Variants in USP24 observed in about 807,000 individuals in gnomAD.
USP24 encodes the protein ubiquitin specific peptidase 24.
A neutral mutation model predicts 361.6 loss-of-function variants in USP24; 97 were observed. The observed-to-expected ratio is 0.27, with a 90% CI of 0.23 to 0.32. The LOEUF (loss-of-function observed/expected upper bound fraction) is 0.32, where lower values mean the gene tolerates loss of function less well. Among genes scored for constraint, USP24 ranks in the 10% least tolerant of loss-of-function variants. The pLI is 1.00. For missense variants in USP24, 2,353 were observed against 3,165.6 expected (o/e 0.74, Z 6.16); for synonymous variants, 1,098 against 1,124.6 (o/e 0.98, Z 0.47).
chr1:55,075,431 T>C (rs1159420184), intron 63 of USP24, 26 bp downstream of exon 63: 2 of 1,575,608 alleles, frequency 1.3e-6, no homozygotes, highest in Non-Finnish European at 8.6e-7. Context: ...CTATAGACAT[T>C]TGTGCATAAG....
intron 67 of USP24, 118 bp from the exon 68 acceptor site, chr1:55,069,225 A>G: frequency 1.1e-6 from 1 of 918,218 alleles, no homozygotes; most frequent in South Asian, 1.5e-5. Context: ...ATGTTTATCA[A>G]AGGGTAATAA....
At chr1:55,103,235 A>G (rs1266758501) in intron 42 of USP24, among the ~76,000 whole-genome samples, 1 of 152,130 alleles carries the variant, frequency 6.6e-6, no homozygotes, top group African/African-American at 2.4e-5. Flanking sequence ...CACCTGGTTC[A>G]CTAGTTTTTA....
chr1:55,078,176 C>G (rs571554166), intron 61 of USP24, among the ~76,000 whole-genome samples: 3 of 152,136 alleles, frequency 2.0e-5, no homozygotes, highest in South Asian at 4.2e-4. Context: ...TATAAAGAGG[C>G]CTGGAAGGAA....
At chr1:55,210,933 A>G (rs1278028403) in intron 1 of USP24, among the ~76,000 whole-genome samples, 1 of 152,220 alleles carries the variant, frequency 6.6e-6, no homozygotes, top group African/African-American at 2.4e-5. Flanking sequence ...AAAAACTTCC[A>G]TTTTAGTATT....
intron 1 of USP24, 120 bp from the exon 2 acceptor site, chr1:55,178,252 G>T: frequency 1.0e-6 from 1 of 987,288 alleles, no homozygotes; most frequent in Non-Finnish European, 1.5e-6. Flanking sequence ...CAATAGCATG[G>T]ATTCTACCTT....
At chr1:55,098,135 C>G (rs1645539059) in intron 46 of USP24, 51 bp from the exon 47 acceptor site, 4 of 1,502,936 alleles carry the variant, frequency 2.7e-6, no homozygotes, top group Non-Finnish European at 3.5e-6. Flanking sequence ...ATTTAAAACT[C>G]TTCAATTATC....
chr1:55,203,852 CAG>C (rs1406977552), intron 1 of USP24, among the ~76,000 whole-genome samples: 2 of 152,202 alleles, frequency 1.3e-5, no homozygotes, highest in Admixed American at 6.5e-5. Context: ...TAATTCAACA[CAG>C]AGAGTCTGGC....
intron 5 of USP24, among the ~76,000 whole-genome samples, chr1:55,168,611 C>A (rs191309069): frequency 6.6e-6 from 1 of 151,916 alleles, no homozygotes; most frequent in South Asian, 2.1e-4. Context: ...GGAAATGCAA[C>A]GCAAAGCTGG....
chr1:55,187,814 A>G (rs1371357241), intron 1 of USP24, among the ~76,000 whole-genome samples: 1 of 152,232 alleles, frequency 6.6e-6, no homozygotes, highest in Non-Finnish European at 1.5e-5. Flanking sequence ...CTATGTTCAT[A>G]GATTGGAACT....
rs1645099631 is a variant in USP24 at position 55,079,543 on chromosome 1, A to G, written c.7195T>C (p.Leu2399=). The G allele has an allele frequency of 6.4e-7, 1 of 1,573,616 alleles. No homozygotes were observed. The highest frequency in any genetic ancestry group is 8.6e-7 in the Non-Finnish European group (1 of 1,167,044). Residue 2399 remains leucine (L), a synonymous_variant, in exon 60 of 68, where the codon TTA becomes CTA. Coordinates refer to ENST00000294383, the MANE Select transcript of USP24 (RefSeq NM_015306.3). ...LFMSEGKPYL[L]EVMFALRELT... ...TTAGAATAACAAGTACATACCTCTA[A>G]CAGGTAAGGTTTCCCTTCAGACATG...
intron 1 of USP24, among the ~76,000 whole-genome samples, chr1:55,192,141 A>C (rs997760191): frequency 1.6e-5 from 2 of 122,788 alleles, no homozygotes; most frequent in African/African-American, 5.1e-5. Context: ...TAAGTTAATA[A>C]GAGAGTTTAA....
At position 55,165,958 on chromosome 1, in the gene USP24, G is replaced by GA. The variant is rs1340943757; in HGVS notation, c.862-9dup. 2 of 1,599,660 alleles carry GA rather than the reference G, an allele frequency of 1.3e-6. No individual in the cohort carries two copies. Among genetic ancestry groups the GA allele is most frequent in the Non-Finnish European group, 8.5e-7 (1 of 1,173,084 alleles). ...TCCACCTAATTCTCCAAACTGAGAAGAAAAAAGGCACACATTAAGTTATTT... is the reference window on the plus strand; with the variant it reads ...TCCACCTAATTCTCCAAACTGAGAAGAAAAAAAGGCACACATTAAGTTATTT... On this transcript the variant is annotated splice_polypyrimidine_tract_variant and intron_variant, in intron 6 of 67. Transcript: ENST00000294383.
chr1:55,103,996 C>T lies in USP24; in HGVS notation c.4905G>A (p.Leu1635=). 2 of 1,610,108 alleles carry T rather than the reference C, an allele frequency of 1.2e-6. No individual in the cohort carries two copies. The highest frequency in any genetic ancestry group is 1.3e-5 in the African/African-American group (1 of 74,936). The change falls in exon 42 of 68, where the codon TTG becomes TTA. Residue 1635 remains leucine (L), a synonymous_variant. Coordinates refer to ENST00000294383, the MANE Select transcript of USP24 (RefSeq NM_015306.3). The part of the protein sequence containing the change: ...HPKCSTANSR[L]AAYEVLVMLA... ...ACATCACAAGGACTTCATAGGCTGC[C>T]AATCGGCTATTCGCTGTACTACACC...
intron 62 of USP24, among the ~76,000 whole-genome samples, chr1:55,076,914 G>A (rs1211288329): frequency 6.6e-6 from 1 of 152,104 alleles, no homozygotes; most frequent in Admixed American, 6.5e-5. Flanking sequence ...AATATCATTT[G>A]CGCTAACACG....
chr1:55,123,470 A>T lies in USP24; in HGVS notation c.4253T>A (p.Leu1418Gln). The change falls in exon 36 of 68, where the codon CTA becomes CAA. Residue 1418 changes from leucine (L) to glutamine (Q), a missense_variant. By Grantham distance (113) the Leu-to-Gln change is moderately radical (BLOSUM62 -2). Coordinates refer to ENST00000294383, the MANE Select transcript of USP24 (RefSeq NM_015306.3). ...GEALSLLVTCLQLRSQQLASF... is the reference protein window; with the variant it reads ...GEALSLLVTCQQLRSQQLASF... ...ACCCAGTTGCTGGCTCCGAAGCTGT[A>T]GGCACGTAACAAGAAGAGACAAAGC... is the stretch of plus-strand genomic sequence containing the variant. 1 of 1,596,890 alleles carries T rather than the reference A, an allele frequency of 6.3e-7. No individual in the cohort carries two copies. Among genetic ancestry groups the T allele is most frequent in the South Asian group, 1.1e-5 (1 of 87,066 alleles).
chr1:55,129,614 T>G, intron 31 of USP24, 40 bp from the exon 32 acceptor site: 1 of 1,535,292 alleles, frequency 6.5e-7, no homozygotes, highest in Non-Finnish European at 9.0e-7. Flanking sequence ...CCACACATTT[T>G]CAGCAGAAAT....
chr1:55,085,358 T>C (rs189070917), intron 56 of USP24, among the ~76,000 whole-genome samples: 4 of 152,380 alleles, frequency 2.6e-5, no homozygotes, highest in Admixed American at 6.5e-5. Flanking sequence ...ATTTAGTTCA[T>C]TGAGGCACAA....
At chr1:55,156,805 C>G in intron 12 of USP24, 143 bp downstream of exon 12, 1 of 555,498 alleles carries the variant, frequency 1.8e-6, no homozygotes, top group Non-Finnish European at 3.2e-6. Flanking sequence ...TAATAAAAAC[C>G]TGAAACTGTA....
chr1:55,184,280 C>A (rs2100848140), intron 1 of USP24, among the ~76,000 whole-genome samples: 1 of 152,204 alleles, frequency 6.6e-6, no homozygotes, highest in African/African-American at 2.4e-5. Flanking sequence ...TGGTCTCAAA[C>A]TCCTGAGCTC....
Sources: allele counts gnomAD v4.1 joint callset (sites outside exome capture counted in the v4.1 genomes callset), GRCh38; gene constraint gnomAD v4.1.1; transcripts MANE v1.5; gene names NCBI Gene and HGNC (gene_info 2026-07-23, HGNC 2026-07-21).